MGAT5: variants seen among roughly 807,000 people sequenced by gnomAD.
MGAT5 encodes alpha-1,6-mannosylglycoprotein 6-beta-N-acetylglucosaminyltransferase, also known as alpha-1,6-mannosylglycoprotein 6-beta-N-acetylglucosaminyltransferase A.
MGAT5 carries 30 observed loss-of-function variants against 94.3 expected under a neutral mutation model. That is an observed-to-expected ratio of 0.32 (90% CI 0.24 to 0.43). The LOEUF (loss-of-function observed/expected upper bound fraction) is 0.43, where lower values mean the gene tolerates loss of function less well. Among genes scored for constraint, MGAT5 ranks in the 20% least tolerant of loss-of-function variants. The pLI is 1.00. For missense variants in MGAT5, 691 were observed against 905.5 expected, an observed-to-expected ratio of 0.76 and a Z score of 3.04; for synonymous variants, 310 against 322.9, an observed-to-expected ratio of 0.96 and a Z score of 0.43.
intron 15 of MGAT5, among the ~76,000 whole-genome samples, chr2:134,445,966 A>G (rs566964): frequency 0.24 from 36,302 of 152,104 alleles, 7,382 homozygotes; most frequent in African/African-American, 0.54. Flanking sequence ...GACTGCTCAG[A>G]GCTATGGGAT....
chr2:134,151,214 T>C (rs1217092534), intron 1 of MGAT5, among the ~76,000 whole-genome samples: 2 of 134,680 alleles, frequency 1.5e-5, no homozygotes, highest in African/African-American at 5.7e-5. Flanking sequence ...TGGGACCCGC[T>C]TACCGCCATG....
At chr2:134,265,431 C>CCATGGCTTCCTGGAAATGAAAACTTAA (rs1683652081) in intron 1 of MGAT5, among the ~76,000 whole-genome samples, 1 of 152,192 alleles carries the variant, frequency 6.6e-6, no homozygotes, top group African/African-American at 2.4e-5. Flanking sequence ...CCCATCAATA[C>CCATGGCTTCCTGGAAATGAAAACTTAA]CATGGCTTCC....
At chr2:134,271,067 C>T (rs1006184768) in intron 2 of MGAT5, among the ~76,000 whole-genome samples, 2 of 152,202 alleles carry the variant, frequency 1.3e-5, no homozygotes, top group African/African-American at 4.8e-5. Flanking sequence ...GATTCTGTAG[C>T]CACTCATGTA....
intron 1 of MGAT5, among the ~76,000 whole-genome samples, chr2:134,142,693 AG>A (rs1306329644): frequency 6.6e-6 from 1 of 152,240 alleles, no homozygotes; most frequent in Non-Finnish European, 1.5e-5. Flanking sequence ...GAAGCTGAGA[AG>A]GGAAGGAAGG....
chr2:134,133,841 A>G (rs1558949527), intron 1 of MGAT5, among the ~76,000 whole-genome samples: 1 of 152,208 alleles, frequency 6.6e-6, no homozygotes, highest in Non-Finnish European at 1.5e-5. Context: ...AACCACCTGC[A>G]TTCTCATGCT....
chr2:134,333,688 A>G (rs1177566175), intron 4 of MGAT5, among the ~76,000 whole-genome samples: 1 of 152,158 alleles, frequency 6.6e-6, no homozygotes, highest in Admixed American at 6.6e-5. Context: ...AGGACCCTGG[A>G]CAGATCAAAA....
At chr2:134,368,843 C>G (rs1680599590) in intron 10 of MGAT5, among the ~76,000 whole-genome samples, 1 of 152,124 alleles carries the variant, frequency 6.6e-6, no homozygotes. Flanking sequence ...GTGTGTCACC[C>G]ATTCCACCAG....
At chr2:134,320,592 T>C (rs779123076) in intron 4 of MGAT5, among the ~76,000 whole-genome samples, 1 of 152,186 alleles carries the variant, frequency 6.6e-6, no homozygotes, top group Non-Finnish European at 1.5e-5. Context: ...GACCCTCTGC[T>C]GCCCTTTCTT....
rs564446268 is a variant in MGAT5 at position 134,419,791 on chromosome 2, A to G, written c.1678-3012A>G. Among the ~76,000 whole-genome samples, 3 of 152,300 alleles carry G rather than the reference A, an allele frequency of 2.0e-5. No homozygotes were observed. In the East Asian group the frequency reaches 5.8e-4, roughly 29 times the overall value. ...TTGTATTTTCCAAGTGCTTGGAGCA[A>G]CCTTGTAAATAAGCAGAGACCTTAA... On this transcript the variant is annotated intron_variant, in intron 12 of 15. Coordinates refer to ENST00000281923, the MANE Select transcript of MGAT5 (RefSeq NM_002410.5).
chr2:134,169,529 A>G (rs1051574367), intron 1 of MGAT5, among the ~76,000 whole-genome samples: 2 of 152,238 alleles, frequency 1.3e-5, no homozygotes, highest in Admixed American at 1.3e-4. Flanking sequence ...AGAAAATTAC[A>G]GCATAATCCC....
intron 1 of MGAT5, among the ~76,000 whole-genome samples, chr2:134,153,644 G>A (rs564908646): frequency 6.6e-6 from 1 of 152,288 alleles, no homozygotes; most frequent in South Asian, 2.1e-4. Context: ...TGTTACAAAT[G>A]ATAATGCTTT....
chr2:134,265,276 A>C (rs1683640488), intron 1 of MGAT5, among the ~76,000 whole-genome samples: 1 of 152,112 alleles, frequency 6.6e-6, no homozygotes, highest in African/African-American at 2.4e-5. Flanking sequence ...AGATCTATAA[A>C]CCTTATTCCA....
intron 1 of MGAT5, among the ~76,000 whole-genome samples, chr2:134,185,373 T>A (rs1688953923): frequency 6.6e-6 from 1 of 152,188 alleles, no homozygotes; most frequent in South Asian, 2.1e-4. Flanking sequence ...CTGATGAAAG[T>A]GTTCGTGTCT....
At chr2:134,373,624 A>C (rs1680959719) in intron 10 of MGAT5, among the ~76,000 whole-genome samples, 1 of 152,224 alleles carries the variant, frequency 6.6e-6, no homozygotes. Context: ...AATTGAGGAG[A>C]TAGACCTATA....
chr2:134,382,317 T>C (rs1005264885), intron 10 of MGAT5, among the ~76,000 whole-genome samples: 1 of 152,042 alleles, frequency 6.6e-6, no homozygotes, highest in Non-Finnish European at 1.5e-5. Flanking sequence ...ATCTCTGACA[T>C]TGTGATAGAA....
At chr2:134,345,356 C>A (rs1688859280) in intron 8 of MGAT5, among the ~76,000 whole-genome samples, 1 of 152,202 alleles carries the variant, frequency 6.6e-6, no homozygotes, top group Non-Finnish European at 1.5e-5. Context: ...AATCAAATAA[C>A]AATTTTGATA....
At chr2:134,179,402 A>G (rs966915589) in intron 1 of MGAT5, among the ~76,000 whole-genome samples, 7 of 152,238 alleles carry the variant, frequency 4.6e-5, no homozygotes, top group African/African-American at 1.4e-4. Context: ...AAACACACAC[A>G]TCAACTATGC....
At chr2:134,253,056 A>G (rs1402101227), upstream of MGAT5, 1 of 152,226 alleles carries the variant, frequency 6.6e-6, no homozygotes, top group African/African-American at 2.4e-5. Flanking sequence ...TATCTGGGAT[A>G]TAGCTAGAAT....
intron 2 of MGAT5, among the ~76,000 whole-genome samples, chr2:134,289,497 T>C (rs956375911): frequency 6.6e-6 from 1 of 152,194 alleles, no homozygotes; most frequent in Non-Finnish European, 1.5e-5. Context: ...TTTGGTGTGG[T>C]TGCAGGGTTC....
Sources: allele counts gnomAD v4.1 joint callset (sites outside exome capture counted in the v4.1 genomes callset), GRCh38; gene constraint gnomAD v4.1.1; transcripts MANE v1.5; gene names NCBI Gene and HGNC (gene_info 2026-07-23, HGNC 2026-07-21).